Variants in TMEM178B observed in about 807,000 individuals in gnomAD.
The protein encoded by TMEM178B is transmembrane protein 178B.
TMEM178B carries 5 observed loss-of-function variants against 31.0 expected under a neutral mutation model. The ratio of observed to expected loss-of-function variants is 0.16; its 90% CI spans 0.08 to 0.34. TMEM178B has a LOEUF of 0.34. Ranked by LOEUF, TMEM178B falls within the 10% of genes least tolerant of loss-of-function variation. The pLI, the probability that TMEM178B is intolerant of heterozygous loss-of-function variation, is 1.00. For synonymous variants in TMEM178B, 164 were observed against 164.0 expected (o/e 1.00, Z 0.00); for missense variants, 275 against 400.3 (o/e 0.69, Z 2.67).
chr7:141,209,142 C>T (rs1331246643), intron 1 of TMEM178B, among the ~76,000 whole-genome samples: 1 of 152,258 alleles, frequency 6.6e-6, no homozygotes, highest in Non-Finnish European at 1.5e-5. Flanking sequence ...CCCAACTGCA[C>T]ATGTCCAAGG....
intron 2 of TMEM178B, among the ~76,000 whole-genome samples, chr7:141,341,995 C>T (rs189193564): frequency 9.2e-5 from 14 of 152,226 alleles, no homozygotes; most frequent in Middle Eastern, 3.4e-3. Context: ...TCACTCAGGC[C>T]GGAGTGCAGT....
chr7:141,135,470 G>A (rs1795660972), intron 1 of TMEM178B, among the ~76,000 whole-genome samples: 1 of 152,160 alleles, frequency 6.6e-6, no homozygotes, highest in African/African-American at 2.4e-5. Context: ...AGAATAGGCT[G>A]TATTTTAGGC....
At chr7:141,294,166 G>C (rs1798592561) in intron 2 of TMEM178B, among the ~76,000 whole-genome samples, 1 of 152,284 alleles carries the variant, frequency 6.6e-6, no homozygotes, top group Non-Finnish European at 1.5e-5. Flanking sequence ...CCAAAGTGCT[G>C]TAAGATAAAA....
At chr7:141,191,465 C>T (rs1447662120) in intron 1 of TMEM178B, among the ~76,000 whole-genome samples, 1 of 152,196 alleles carries the variant, frequency 6.6e-6, no homozygotes, top group Non-Finnish European at 1.5e-5. Context: ...AATTTACACT[C>T]CAACGGCCAC....
intron 1 of TMEM178B, among the ~76,000 whole-genome samples, chr7:141,146,733 A>G (rs1051307454): frequency 6.6e-6 from 1 of 152,150 alleles, no homozygotes; most frequent in African/African-American, 2.4e-5. Context: ...TTGGTGAATG[A>G]ATATATCCCA....
chr7:141,097,146 A>G (rs957704236), intron 1 of TMEM178B, among the ~76,000 whole-genome samples: 2 of 152,108 alleles, frequency 1.3e-5, no homozygotes, highest in African/African-American at 4.8e-5. Flanking sequence ...TATCTGTTAC[A>G]GTAGCTAGTA....
In TMEM178B at chr7:141,329,378, G is replaced by T. The variant is rs566026509; in HGVS notation, c.497-108230G>T. Among the ~76,000 whole-genome samples, 8 of 152,256 alleles carry T rather than the reference G, an allele frequency of 5.3e-5. No individual in the cohort carries two copies. In the East Asian group the frequency reaches 1.5e-3, roughly 29 times the overall value. ...GGGCTCTGGCTATCTGGCCATCACG[G>T]TTGCCATTCTCATTATTCTTTCCCA... On this transcript the variant is annotated intron_variant, in intron 2 of 3. Coordinates refer to ENST00000565468, the MANE Select transcript of TMEM178B (RefSeq NM_001195278.2).
At chr7:141,182,741 G>T (rs1260333673) in intron 1 of TMEM178B, among the ~76,000 whole-genome samples, 1 of 152,150 alleles carries the variant, frequency 6.6e-6, no homozygotes, top group East Asian at 1.9e-4. Context: ...CTGTTCTTGT[G>T]GTGGTGAATA....
At chr7:141,258,511 A>T (rs1384330552) in intron 2 of TMEM178B, among the ~76,000 whole-genome samples, 1 of 152,216 alleles carries the variant, frequency 6.6e-6, no homozygotes, top group African/African-American at 2.4e-5. Context: ...CAGAAAAGAA[A>T]AAATATTTGC....
At chr7:141,209,502 C>T (rs1039520669) in intron 1 of TMEM178B, among the ~76,000 whole-genome samples, 1 of 152,294 alleles carries the variant, frequency 6.6e-6, no homozygotes, top group South Asian at 2.1e-4. Context: ...CAAAGAACAC[C>T]TCGTATTATT....
At chr7:141,488,111 C>T in the TMEM178B span, among the ~76,000 whole-genome samples, 1 of 151,596 alleles carries the variant, frequency 6.6e-6, no homozygotes, top group Non-Finnish European at 1.5e-5. Context: ...TCTATATCTA[C>T]AAGGTGAGTG....
At chr7:141,416,438 C>G (rs1398144571) in intron 2 of TMEM178B, 1 of 152,608 alleles carries the variant, frequency 6.6e-6, no homozygotes, top group African/African-American at 2.4e-5. Context: ...GAGCTAGTTT[C>G]AGAGAAATAT....
chr7:141,358,629 A>C (rs2116542702), intron 2 of TMEM178B, among the ~76,000 whole-genome samples: 1 of 152,180 alleles, frequency 6.6e-6, no homozygotes, highest in South Asian at 2.1e-4. Flanking sequence ...GCTCTTTCAT[A>C]AAAGTTTCCC....
At chr7:141,153,874 A>G (rs1563101761) in intron 1 of TMEM178B, among the ~76,000 whole-genome samples, 1 of 152,246 alleles carries the variant, frequency 6.6e-6, no homozygotes, top group Non-Finnish European at 1.5e-5. Context: ...TTTAACATAC[A>G]GAAGTTTTAA....
chr7:141,308,274 A>AGTG (rs1798851466), intron 2 of TMEM178B, among the ~76,000 whole-genome samples: 2 of 152,366 alleles, frequency 1.3e-5, no homozygotes, highest in Admixed American at 6.5e-5. Context: ...CTTGTAGTTC[A>AGTG]GTGGTCAGAT....
At chr7:141,349,623 T>C (rs756780954) in intron 2 of TMEM178B, among the ~76,000 whole-genome samples, 7 of 152,166 alleles carry the variant, frequency 4.6e-5, no homozygotes, top group Admixed American at 6.5e-5. Flanking sequence ...ATAGGTCAAT[T>C]ATCTGTTATG....
chr7:141,084,361 T>C (rs1480287759), intron 1 of TMEM178B, among the ~76,000 whole-genome samples: 5 of 152,222 alleles, frequency 3.3e-5, no homozygotes, highest in Non-Finnish European at 5.9e-5. Flanking sequence ...ACTGAACTTA[T>C]TTAAAAAATG....
chr7:141,151,356 C>T (rs1385795660), intron 1 of TMEM178B, among the ~76,000 whole-genome samples: 2 of 152,208 alleles, frequency 1.3e-5, no homozygotes, highest in Non-Finnish European at 1.5e-5. Flanking sequence ...CTTCATTCCA[C>T]AGCTAAAGAA....
chr7:141,405,230 G>A lies in TMEM178B; in HGVS notation c.497-32378G>A, dbSNP rs1399174735. ...GCAGCTCCTCGGACAAACTGGTGCT[G>A]TTTGGGCAATCGAGCTTTCAGATAC... is the stretch of plus-strand genomic sequence containing the variant. On this transcript the variant is annotated intron_variant, in intron 2 of 3. Transcript: ENST00000565468. 2.6e-5 allele frequency among the ~76,000 whole-genome samples: 4 copies of A among 152,250 alleles called. No individual in the cohort carries two copies. In the East Asian group the frequency reaches 5.8e-4, roughly 22 times the overall value.
Sources: allele counts gnomAD v4.1 joint callset (sites outside exome capture counted in the v4.1 genomes callset), GRCh38; gene constraint gnomAD v4.1.1; transcripts MANE v1.5; gene names NCBI Gene and HGNC (gene_info 2026-07-23, HGNC 2026-07-21).